Variants in PRRX1 observed in about 807,000 individuals in gnomAD.
PRRX1 encodes paired related homeobox 1.
In PRRX1, 8 loss-of-function variants were observed where a neutral mutation model predicts 24.0. The observed-to-expected ratio is 0.33, with a 90% confidence interval of 0.20 to 0.60. The LOEUF is 0.60. PRRX1 is among the 20% of genes least tolerant of loss of function. The pLI is 0.82. For synonymous variants in PRRX1, 160 were observed against 131.7 expected, an observed-to-expected ratio of 1.22 and a Z score of -1.47; for missense variants, 281 against 322.4, an observed-to-expected ratio of 0.87 and a Z score of 0.98.
chr1:170,716,469 A>C (rs1654910805), intron 1 of PRRX1, among the ~76,000 whole-genome samples: 1 of 152,020 alleles, frequency 6.6e-6, no homozygotes, highest in Non-Finnish European at 1.5e-5. Context: ...CTGTAGTCCC[A>C]GCTACTCGGG....
At chr1:170,693,821 C>T (rs1558051310) in intron 1 of PRRX1, among the ~76,000 whole-genome samples, 1 of 151,882 alleles carries the variant, frequency 6.6e-6, no homozygotes, top group African/African-American at 2.4e-5. Context: ...AAATCTGATC[C>T]GAATGGGGAA....
intron 1 of PRRX1, among the ~76,000 whole-genome samples, chr1:170,715,555 T>C (rs545297536): frequency 1.3e-5 from 2 of 152,316 alleles, no homozygotes; most frequent in African/African-American, 4.8e-5. Flanking sequence ...TTGAGATGTG[T>C]TTTAGGAACA....
intron 2 of PRRX1, among the ~76,000 whole-genome samples, chr1:170,721,054 G>A (rs1456748082): frequency 6.6e-6 from 1 of 152,146 alleles, no homozygotes; most frequent in Non-Finnish European, 1.5e-5. Flanking sequence ...ACATCACATA[G>A]CTAGGAAGTG....
At chr1:170,727,772 A>G (rs1216492343) in intron 3 of PRRX1, 1 of 152,154 alleles carries the variant, frequency 6.6e-6, no homozygotes, top group Non-Finnish European at 1.5e-5. Context: ...TCTGGGCCCT[A>G]TTGCACTCAG....
chr1:170,726,070 A>G lies in PRRX1; in HGVS notation c.418-150A>G. ...GAGGGAAGGCGGATGGCATGTTTCT[A>G]TTGTTCTACGGAGAATTCCATAGCC... On this transcript the variant is annotated intron_variant, in intron 2 of 3. Transcript: ENST00000239461. 6.5e-6 allele frequency: 5 copies of G among 767,454 alleles called. No individual in the cohort carries two copies. In the East Asian group the frequency reaches 1.1e-4, roughly 17 times the overall value. 47.5% of individuals were successfully genotyped at this position (767,454 alleles called of 1,614,324 possible).
chr1:170,736,652 T>C lies in PRRX1; in HGVS notation c.*466T>C, dbSNP rs542884380. The C allele has an allele frequency of 1.6e-4, 31 of 198,108 alleles. No individual in the cohort carries two copies. Among genetic ancestry groups the C allele is most frequent in the Admixed American group, 1.3e-3 (22 of 17,026 alleles). The allele number at this position is 198,108 out of a possible 1,614,324, so 12.3% of individuals were successfully genotyped here. Reference sequence around the variant, plus strand: ...CCTGTCCTCTTCCCAGTTCTCTTTATAGAAGCTCTAGGAGCTTTCGAAAAG... The same window carrying C: ...CCTGTCCTCTTCCCAGTTCTCTTTACAGAAGCTCTAGGAGCTTTCGAAAAG... On this transcript the variant is annotated 3_prime_UTR_variant, in exon 4 of 4. Transcript: ENST00000239461.
chr1:170,716,770 T>C (rs1208583089), intron 1 of PRRX1, among the ~76,000 whole-genome samples: 1 of 152,112 alleles, frequency 6.6e-6, no homozygotes, highest in Non-Finnish European at 1.5e-5. Flanking sequence ...ATGACCCTCT[T>C]GGAATTAGTA....
At chr1:170,664,974 C>T (rs902830464) in intron 1 of PRRX1, among the ~76,000 whole-genome samples, 8 of 152,356 alleles carry the variant, frequency 5.3e-5, no homozygotes, top group Non-Finnish European at 1.0e-4. Context: ...GCTGCACTCT[C>T]CACGCGGGCA....
At chr1:170,679,674 C>T (rs1046558649) in intron 1 of PRRX1, among the ~76,000 whole-genome samples, 2 of 152,158 alleles carry the variant, frequency 1.3e-5, no homozygotes, top group Non-Finnish European at 2.9e-5. Context: ...GCTGGGATTA[C>T]AGGCATTTTA....
At chr1:170,713,554 A>C (rs1324133208) in intron 1 of PRRX1, among the ~76,000 whole-genome samples, 1 of 152,168 alleles carries the variant, frequency 6.6e-6, no homozygotes, top group East Asian at 1.9e-4. Flanking sequence ...CACATTCTTG[A>C]GTGTTTTCTA....
At chr1:170,702,290 A>G (rs1159217061) in intron 1 of PRRX1, among the ~76,000 whole-genome samples, 1 of 152,176 alleles carries the variant, frequency 6.6e-6, no homozygotes, top group Admixed American at 6.5e-5. Flanking sequence ...GTTGGAGACT[A>G]GAACACTAGT....
rs756289013 is a variant in PRRX1 at position 170,664,209 on chromosome 1, G to A, written c.-10G>A. 11 of 1,607,980 alleles carry A rather than the reference G, an allele frequency of 6.8e-6. No individual in the cohort carries two copies. The highest frequency in any genetic ancestry group is 9.3e-6 in the Non-Finnish European group (11 of 1,177,672). ...GAAGAGGGGGGTGGGTGGGATCGGT[G>A]GGGGAGACCATGACCTCCAGCTACG... On this transcript the variant is annotated 5_prime_UTR_variant, in exon 1 of 4. Coordinates refer to ENST00000239461, the MANE Select transcript of PRRX1 (RefSeq NM_022716.4).
chr1:170,691,287 TA>T (rs1263807931), intron 1 of PRRX1, among the ~76,000 whole-genome samples: 10 of 152,132 alleles, frequency 6.6e-5, no homozygotes, highest in Admixed American at 2.0e-4. Flanking sequence ...GAGAGTGAAA[TA>T]TAAAGTAATG....
At chr1:170,664,853 A>G (rs557769239) in intron 1 of PRRX1, among the ~76,000 whole-genome samples, 1 of 152,328 alleles carries the variant, frequency 6.6e-6, no homozygotes, top group East Asian at 1.9e-4. Flanking sequence ...GCTGTTTGGG[A>G]AAGCAGCAGG....
intron 1 of PRRX1, among the ~76,000 whole-genome samples, chr1:170,719,506 G>C (rs1047606012): frequency 3.9e-5 from 6 of 152,234 alleles, no homozygotes; most frequent in African/African-American, 1.2e-4. Flanking sequence ...CCCAGATTTA[G>C]AGGCAACAGC....
At chr1:170,705,935 T>TAC (rs71125270) in intron 1 of PRRX1, among the ~76,000 whole-genome samples, 11,014 of 146,410 alleles carry the variant, frequency 0.075, 448 homozygotes, top group Middle Eastern at 0.12. Context: ...CACACACACA[T>TAC]ACACACACAC....
intron 1 of PRRX1, among the ~76,000 whole-genome samples, chr1:170,711,968 A>G (rs904397483): frequency 6.6e-6 from 1 of 152,248 alleles, no homozygotes; most frequent in Non-Finnish European, 1.5e-5. Context: ...CTGAATAAAT[A>G]GTGAGTAATA....
At chr1:170,710,114 A>T (rs181378207) in intron 1 of PRRX1, among the ~76,000 whole-genome samples, 68 of 152,304 alleles carry the variant, frequency 4.5e-4, no homozygotes, top group African/African-American at 1.6e-3. Context: ...TCAATCATTG[A>T]AGCTTTCCTC....
intron 1 of PRRX1, among the ~76,000 whole-genome samples, chr1:170,677,989 C>A (rs1653379766): frequency 6.6e-6 from 1 of 152,152 alleles, no homozygotes. Flanking sequence ...TGGAGGCCAA[C>A]CACGTTAATT....
Sources: allele counts gnomAD v4.1 joint callset (sites outside exome capture counted in the v4.1 genomes callset), GRCh38; gene constraint gnomAD v4.1.1; transcripts MANE v1.5; gene names NCBI Gene and HGNC (gene_info 2026-07-23, HGNC 2026-07-21).